The following LAMA2 variants were observed in gnomAD, a reference collection of about 807,000 sequenced individuals.
LAMA2 encodes laminin subunit alpha 2.
LAMA2 carries 269 observed loss-of-function variants against 364.8 expected under a neutral mutation model. That is an observed-to-expected ratio of 0.74 (90% confidence interval 0.67 to 0.82). The LOEUF (loss-of-function observed/expected upper bound fraction) is 0.82. Among genes scored for constraint, LAMA2 ranks in the 40% least tolerant of loss-of-function variants. LAMA2 has a pLI of 0.00. For missense variants in LAMA2, 3,807 were observed against 3,873.2 expected (o/e 0.98, Z 0.45); for synonymous variants, 1,379 against 1,370.6 (o/e 1.01, Z -0.14).
intron 1 of LAMA2, among the ~76,000 whole-genome samples, chr6:128,982,066 G>A (rs1782922219): frequency 6.6e-6 from 1 of 152,164 alleles, no homozygotes; most frequent in Admixed American, 6.6e-5. Flanking sequence ...TAGCAAGGAT[G>A]TCTTCTTTAT....
intron 58 of LAMA2, among the ~76,000 whole-genome samples, chr6:129,496,767 G>GA (rs1207185006): frequency 3.3e-5 from 5 of 152,280 alleles, no homozygotes; most frequent in African/African-American, 1.2e-4. Context: ...GCTAGTCAGA[G>GA]AAAAAGAGGG....
chr6:129,078,281 C>T (rs529268301), intron 3 of LAMA2, among the ~76,000 whole-genome samples: 19 of 151,948 alleles, frequency 1.3e-4, no homozygotes, highest in South Asian at 1.0e-3. Context: ...ACTACAGGTG[C>T]GCGCCACTAT....
intron 44 of LAMA2, among the ~76,000 whole-genome samples, chr6:129,444,573 A>G (rs1031872178): frequency 5.9e-5 from 9 of 152,178 alleles, no homozygotes; most frequent in Non-Finnish European, 1.3e-4. Context: ...TAATAGACCT[A>G]TGTTCTTTTT....
Position 129,486,527 on chromosome 6 carries a change from A to G in LAMA2, c.7803A>G (p.Thr2601=). 6.2e-7 allele frequency: 1 copy of G among 1,613,954 alleles called. No individual in the cohort carries two copies. Among genetic ancestry groups the G allele is most frequent in the Non-Finnish European group, 8.5e-7 (1 of 1,179,880 alleles). The change falls in exon 56 of 65, where the codon ACA becomes ACG. Residue 2601 remains threonine (T), a synonymous_variant. Coordinates refer to ENST00000421865, the MANE Select transcript of LAMA2 (RefSeq NM_000426.4). ...GCCGTCTGGAAGTGCATCTCTCCACAGGGGCACGAACAATGAGGAAAATTG... is the reference window on the plus strand; with the variant it reads ...GCCGTCTGGAAGTGCATCTCTCCACGGGGGCACGAACAATGAGGAAAATTG... ...NRGRLEVHLS[T]GARTMRKIVI...
chr6:129,176,721 C>T (rs1197448977), intron 9 of LAMA2, among the ~76,000 whole-genome samples: 1 of 152,022 alleles, frequency 6.6e-6, no homozygotes, highest in Non-Finnish European at 1.5e-5. Flanking sequence ...TTTAATATTT[C>T]ACAACTTTTT....
chr6:129,471,993 CTGAAAGA>C (rs1260402207), intron 51 of LAMA2, among the ~76,000 whole-genome samples: 1 of 151,882 alleles, frequency 6.6e-6, no homozygotes, highest in Non-Finnish European at 1.5e-5. Flanking sequence ...AACACTGATT[CTGAAAGA>C]TGATGAGTTG....
intron 8 of LAMA2, among the ~76,000 whole-genome samples, chr6:129,160,216 T>G (rs1205556937): frequency 6.6e-6 from 1 of 152,162 alleles, no homozygotes; most frequent in Non-Finnish European, 1.5e-5. Context: ...AGTGAAACTA[T>G]CTGAGTCTCT....
intron 12 of LAMA2, among the ~76,000 whole-genome samples, chr6:129,200,152 G>C (rs969527943): frequency 7.6e-6 from 1 of 130,966 alleles, no homozygotes; most frequent in Non-Finnish European, 1.6e-5. Context: ...ACATATACAC[G>C]TGTATATATA....
At chr6:128,948,501 G>T (rs961457583) in intron 1 of LAMA2, among the ~76,000 whole-genome samples, 1 of 152,128 alleles carries the variant, frequency 6.6e-6, no homozygotes, top group East Asian at 1.9e-4. Flanking sequence ...CACACACTAT[G>T]CTTGAGTCAT....
chr6:129,413,575 C>A (rs1343187275), intron 40 of LAMA2, among the ~76,000 whole-genome samples: 2 of 152,098 alleles, frequency 1.3e-5, no homozygotes, highest in African/African-American at 4.8e-5. Context: ...AGCATCTAGA[C>A]TACATCCTCT....
At chr6:129,207,702 G>C (rs1394205190) in intron 12 of LAMA2, among the ~76,000 whole-genome samples, 1 of 151,826 alleles carries the variant, frequency 6.6e-6, no homozygotes. Context: ...GAGCAAAAGG[G>C]TTATTTTTAT....
At chr6:128,933,714 A>T (rs544461962) in intron 1 of LAMA2, among the ~76,000 whole-genome samples, 1 of 152,196 alleles carries the variant, frequency 6.6e-6, no homozygotes, top group Non-Finnish European at 1.5e-5. Flanking sequence ...GGCCATTTGT[A>T]TGTCTCTTTT....
intron 51 of LAMA2, among the ~76,000 whole-genome samples, chr6:129,466,207 C>T (rs769191520): frequency 2.6e-4 from 40 of 151,874 alleles, no homozygotes; most frequent in Non-Finnish European, 5.0e-4. Context: ...TTGCATCGAA[C>T]TGGGGAGATA....
intron 53 of LAMA2, among the ~76,000 whole-genome samples, chr6:129,477,059 A>C (rs1442420471): frequency 6.6e-6 from 1 of 152,196 alleles, no homozygotes; most frequent in East Asian, 1.9e-4. Context: ...CACCCTATCA[A>C]CTACAATATA....
chr6:129,315,676 G>A lies in LAMA2; in HGVS notation c.3735+21G>A, dbSNP rs768366388. ...AGAAGGTAAGCACAAGAACTTTAAT[G>A]TCAAGTGAGAACAAGATAAAATCTT... On this transcript the variant is annotated intron_variant, in intron 25 of 64. Coordinates refer to ENST00000421865, the MANE Select transcript of LAMA2 (RefSeq NM_000426.4). The A allele has an allele frequency of 3.7e-6, 6 of 1,612,440 alleles. No homozygotes were observed. The African/African-American group carries it at 6.7e-5, about 18-fold the overall frequency.
chr6:129,053,317 G>A (rs888932092), intron 2 of LAMA2, among the ~76,000 whole-genome samples: 2 of 152,040 alleles, frequency 1.3e-5, no homozygotes, highest in Non-Finnish European at 2.9e-5. Context: ...CAACTGCCTC[G>A]GCCTCCCAAA....
intron 3 of LAMA2, among the ~76,000 whole-genome samples, chr6:129,089,082 C>T (rs527677061): frequency 6.6e-6 from 1 of 152,370 alleles, no homozygotes; most frequent in African/African-American, 2.4e-5. Context: ...GAGGCCGAGG[C>T]TGGCAGATCA....
chr6:129,243,378 C>T (rs556634530), intron 12 of LAMA2, among the ~76,000 whole-genome samples: 1 of 152,094 alleles, frequency 6.6e-6, no homozygotes, highest in Non-Finnish European at 1.5e-5. Context: ...TTTCCCCTTG[C>T]CAATCAAAAC....
chr6:129,504,788 G>T lies in LAMA2; in HGVS notation c.8548-412G>T, dbSNP rs557739685. Among the ~76,000 whole-genome samples the T allele has an allele frequency of 2.6e-5, 4 of 152,336 alleles. No homozygotes were observed. The South Asian group carries it at 6.2e-4, about 24-fold the overall frequency. On this transcript the variant is annotated intron_variant, in intron 60 of 64. Transcript: ENST00000421865. Reference sequence around the variant, plus strand: ...AGGGATGTAGCGTATCTGAAATTGTGTTGGGAGCCCAGGCTCTTTGCTCAA... The same window carrying T: ...AGGGATGTAGCGTATCTGAAATTGTTTTGGGAGCCCAGGCTCTTTGCTCAA...
Sources: allele counts gnomAD v4.1 joint callset (sites outside exome capture counted in the v4.1 genomes callset), GRCh38; gene constraint gnomAD v4.1.1; transcripts MANE v1.5; gene names NCBI Gene and HGNC (gene_info 2026-07-23, HGNC 2026-07-21).